Variants in PCDHA13 observed in about 807,000 individuals in gnomAD.
PCDHA13 encodes the protein protocadherin alpha-13.
In PCDHA13, 54 loss-of-function variants were observed where a neutral mutation model predicts 64.8. The observed-to-expected ratio is 0.83, with a 90% CI of 0.67 to 1.04. The LOEUF (loss-of-function observed/expected upper bound fraction) is 1.04. Among genes scored for constraint, PCDHA13 ranks in the 50% least tolerant of loss-of-function variants. The pLI, the probability that PCDHA13 is intolerant of heterozygous loss-of-function variation, is 0.00. For synonymous variants in PCDHA13, 587 were observed against 564.4 expected, an observed-to-expected ratio of 1.04 and a Z score of -0.57; for missense variants, 1,248 against 1,254.3, an observed-to-expected ratio of 0.99 and a Z score of 0.08.
Position 141,010,268 on chromosome 5 carries a change from A to T in PCDHA13, c.*331A>T. 1 of 1,551,622 alleles carries T rather than the reference A, an allele frequency of 6.4e-7. No homozygotes were observed. Among genetic ancestry groups the T allele is most frequent in the Non-Finnish European group, 8.7e-7 (1 of 1,146,964 alleles). On this transcript the variant is annotated 3_prime_UTR_variant, in exon 4 of 4. Coordinates refer to ENST00000289272, the MANE Select transcript of PCDHA13 (RefSeq NM_018904.3). ...GGACTCTCTGCCCTGTGCTCCGGGG[A>T]TCCTGTCTTGATGACACTTGCAGGG...
At chr5:141,007,777 T>G (rs1467527710) in intron 3 of PCDHA13, among the ~76,000 whole-genome samples, 2 of 152,226 alleles carry the variant, frequency 1.3e-5, no homozygotes, top group Non-Finnish European at 2.9e-5. Flanking sequence ...GAAATGGTAC[T>G]GCTTTACAAA....
intron 1 of PCDHA13, among the ~76,000 whole-genome samples, chr5:140,895,100 T>G (rs1306041919): frequency 2.0e-5 from 3 of 152,190 alleles, no homozygotes; most frequent in African/African-American, 7.2e-5. Context: ...TAGGGGTTTT[T>G]GCTACAAGAA....
rs140322145 is a variant in PCDHA13, at chr5:140,968,725, T to C, written c.2395-10224T>C. ...CCAGGAAGATGGGAGATGAGAGTGG[T>C]AGCACTTTCAACCTGACCGTGGTGG... On this transcript the variant is annotated intron_variant, in intron 1 of 3. Coordinates refer to ENST00000289272, the MANE Select transcript of PCDHA13 (RefSeq NM_018904.3). 3.1e-6 allele frequency: 5 copies of C among 1,613,932 alleles called. No individual in the cohort carries two copies. In the African/African-American group the frequency reaches 6.7e-5, roughly 22 times the overall value.
intron 1 of PCDHA13, chr5:140,927,936 A>G: frequency 6.2e-7 from 1 of 1,614,246 alleles, no homozygotes; most frequent in East Asian, 2.2e-5. Context: ...TTTCGAACCC[A>G]GTACCTGAGG....
intron 1 of PCDHA13, among the ~76,000 whole-genome samples, chr5:140,957,462 T>C (rs574379806): frequency 8.3e-4 from 126 of 152,308 alleles, no homozygotes; most frequent in African/African-American, 2.9e-3. Context: ...ATCATAGGTA[T>C]GTATGTATAG....
chr5:140,921,777 C>T (rs1434211783), intron 1 of PCDHA13, among the ~76,000 whole-genome samples: 1 of 152,030 alleles, frequency 6.6e-6, no homozygotes, highest in African/African-American at 2.4e-5. Context: ...TCAATACTGA[C>T]TTGGATGTTC....
chr5:141,010,696 C>A lies in PCDHA13; in HGVS notation c.*759C>A. ...AAACAGAAGCAGATCTGATGTGTTT[C>A]CTATACATGTCCTGTGCTCACTTTA... On this transcript the variant is annotated 3_prime_UTR_variant, in exon 4 of 4. Transcript: ENST00000289272. The A allele has an allele frequency of 6.3e-6, 1 of 159,082 alleles. No individual in the cohort carries two copies. The highest frequency in any genetic ancestry group is 1.4e-5 in the Non-Finnish European group (1 of 71,522). 9.9% of individuals were successfully genotyped at this position (159,082 alleles called of 1,614,324 possible).
At chr5:140,988,253 C>A (rs982953260) in intron 3 of PCDHA13, among the ~76,000 whole-genome samples, 1 of 152,188 alleles carries the variant, frequency 6.6e-6, no homozygotes, top group Non-Finnish European at 1.5e-5. Context: ...CAGCTCCCGC[C>A]TGTGAGTATC....
In PCDHA13 at chr5:140,883,674, C is replaced by A. The variant is rs782029001; in HGVS notation, c.1406C>A (p.Pro469Gln). The A allele has an allele frequency of 4.3e-5, 70 of 1,613,620 alleles. No homozygotes were observed. The highest frequency in any genetic ancestry group is 5.8e-5 in the Non-Finnish European group (69 of 1,179,878). The change falls in exon 1 of 4, where the codon CCG becomes CAG. Residue 469 changes from proline to glutamine, a missense_variant. Transcript: ENST00000289272. ...EYTVFVKENNPPGCHIFTVSA... is the reference protein window; with the variant it reads ...EYTVFVKENNQPGCHIFTVSA... ...ACGGTGTTCGTGAAGGAAAACAATC[C>A]GCCGGGCTGCCACATCTTCACGGTG...
At position 140,883,332 on chromosome 5, in the gene PCDHA13, T is replaced by A; in HGVS notation, c.1064T>A (p.Leu355Ter). 6.2e-7 allele frequency: 1 copy of A among 1,614,174 alleles called. No homozygotes were observed. Among genetic ancestry groups the A allele is most frequent in the East Asian group, 2.2e-5 (1 of 44,882 alleles). The change falls in exon 1 of 4, where the codon TTG becomes TAG. Residue 355 changes from leucine to a stop codon, truncating the protein, a stop_gained. Transcript: ENST00000289272. LOFTEE classifies it high-confidence loss of function. ...GCCCCAGAGGTTACCATCACTTCTT[T>A]GTCACTCCCCATCAGAGAAGACACT... is the stretch of plus-strand genomic sequence containing the variant. ...DNAPEVTITS[L>*]SLPIREDTQP...
chr5:140,932,421 G>T (rs530079640), intron 1 of PCDHA13, among the ~76,000 whole-genome samples: 1 of 151,878 alleles, frequency 6.6e-6, no homozygotes, highest in Non-Finnish European at 1.5e-5. Context: ...TTAGTGTATT[G>T]TTCACCTGGA....
chr5:140,884,108 G>T lies in PCDHA13; in HGVS notation c.1840G>T (p.Ala614Ser). 1.9e-6 allele frequency: 3 copies of T among 1,613,402 alleles called. No individual in the cohort carries two copies. Among genetic ancestry groups the T allele is most frequent in the Non-Finnish European group, 2.5e-6 (3 of 1,179,716 alleles). Residue 614 changes from alanine to serine, a missense_variant, in exon 1 of 4, where the codon GCG becomes TCG. Ala to Ser is a moderately conservative substitution (Grantham distance 99, BLOSUM62 1). Coordinates refer to ENST00000289272, the MANE Select transcript of PCDHA13 (RefSeq NM_018904.3). Reference protein sequence around the residue: ...NAWLSYELQLAAVGARIPFRV... With the variant: ...NAWLSYELQLSAVGARIPFRV... The stretch of plus-strand genomic sequence containing the variant: ...GTGGCTTTCGTATGAATTGCAGCTG[G>T]CGGCGGTCGGCGCGCGCATCCCGTT...
chr5:140,934,555 CT>C (rs1355336850), intron 1 of PCDHA13, among the ~76,000 whole-genome samples: 2 of 151,972 alleles, frequency 1.3e-5, no homozygotes, highest in African/African-American at 2.4e-5. Context: ...ATCATTTCTT[CT>C]TTTTTTTAAT....
intron 1 of PCDHA13, among the ~76,000 whole-genome samples, chr5:140,959,712 T>A (rs166567): frequency 0.25 from 37,822 of 152,086 alleles, 5,932 homozygotes; most frequent in African/African-American, 0.45. Flanking sequence ...AAAGGGAAAA[T>A]TTTTAGATAA....
intron 1 of PCDHA13, among the ~76,000 whole-genome samples, chr5:140,899,097 T>A (rs1160754058): frequency 2.0e-5 from 3 of 151,826 alleles, no homozygotes; most frequent in Non-Finnish European, 4.4e-5. Flanking sequence ...TGGGCTGAGA[T>A]AATGGGGTTT....
chr5:140,883,649 A>T lies in PCDHA13; in HGVS notation c.1381A>T (p.Thr461Ser). 6.2e-7 allele frequency: 1 copy of T among 1,613,516 alleles called. No homozygotes were observed. The highest frequency in any genetic ancestry group is 1.1e-5 in the South Asian group (1 of 91,038). ...GCCGGCGTTCGCGCAGCCCGAGTAC[A>T]CGGTGTTCGTGAAGGAAAACAATCC... is the stretch of plus-strand genomic sequence containing the variant. ...NAPAFAQPEYTVFVKENNPPG... is the reference protein window; with the variant it reads ...NAPAFAQPEYSVFVKENNPPG... Residue 461 changes from threonine (T) to serine (S), a missense_variant, in exon 1 of 4, where the codon ACG becomes TCG. Physicochemically the swap from Thr to Ser is moderately conservative, Grantham distance 58. Coordinates refer to ENST00000289272, the MANE Select transcript of PCDHA13 (RefSeq NM_018904.3).
At chr5:140,887,442 T>C (rs2061450115) in intron 1 of PCDHA13, among the ~76,000 whole-genome samples, 1 of 152,180 alleles carries the variant, frequency 6.6e-6, no homozygotes, top group Non-Finnish European at 1.5e-5. Context: ...CTGGGCATAG[T>C]TGACAGTTTT....
chr5:140,972,700 T>C (rs1353443535), intron 1 of PCDHA13, among the ~76,000 whole-genome samples: 3 of 147,702 alleles, frequency 2.0e-5, no homozygotes, highest in African/African-American at 7.5e-5. Context: ...AGTCTCACTC[T>C]GTTGCCAGGC....
intron 3 of PCDHA13, among the ~76,000 whole-genome samples, chr5:141,006,727 G>A (rs2098285106): frequency 6.6e-6 from 1 of 152,080 alleles, no homozygotes. Context: ...AGAAATGACA[G>A]GTCTTGATGA....
Sources: gnomAD v4.1 joint callset for allele counts (sites outside exome capture counted in the v4.1 genomes callset) on GRCh38, gnomAD v4.1.1 for gene constraint, MANE v1.5 for transcripts, NCBI Gene and HGNC (gene_info 2026-07-23, HGNC 2026-07-21) for gene names.